The following DCC variants were observed in gnomAD, a reference collection of about 807,000 sequenced individuals.
The protein encoded by DCC is netrin receptor DCC.
DCC carries 58 observed loss-of-function variants against 172.5 expected under a neutral mutation model. The observed-to-expected ratio is 0.34, with a 90% CI of 0.27 to 0.42. The LOEUF is 0.42. Among genes scored for constraint, DCC ranks in the 10% least tolerant of loss-of-function variants. The probability of loss-of-function intolerance (pLI) is 1.00; values close to 1 mark genes in which losing one functional copy is unlikely to be tolerated. For missense variants in DCC, 1,740 were observed against 1,791.0 expected, an observed-to-expected ratio of 0.97 and a Z score of 0.51; for synonymous variants, 709 against 644.5, an observed-to-expected ratio of 1.10 and a Z score of -1.52.
intron 3 of DCC, among the ~76,000 whole-genome samples, chr18:52,917,486 G>T (rs1411488295): frequency 2.0e-5 from 3 of 152,094 alleles, no homozygotes; most frequent in Non-Finnish European, 4.4e-5. Flanking sequence ...CAACAGTTTG[G>T]GATTCACTGT....
intron 5 of DCC, among the ~76,000 whole-genome samples, chr18:52,969,619 C>CTCTT (rs2040994656): frequency 7.2e-6 from 1 of 138,870 alleles, no homozygotes; most frequent in African/African-American, 2.6e-5. Flanking sequence ...CTCTCTCTCT[C>CTCTT]TCTTTCTGTG....
chr18:53,188,612 T>C (rs2055321112), intron 9 of DCC, among the ~76,000 whole-genome samples: 1 of 152,184 alleles, frequency 6.6e-6, no homozygotes, highest in Non-Finnish European at 1.5e-5. Flanking sequence ...TGTTAACCCA[T>C]TTGGGTGTTG....
chr18:52,866,726 T>C (rs1261379244), intron 2 of DCC, among the ~76,000 whole-genome samples: 2 of 152,238 alleles, frequency 1.3e-5, no homozygotes, highest in African/African-American at 4.8e-5. Context: ...TTTCGCACAT[T>C]GATTTTGTAT....
intron 1 of DCC, among the ~76,000 whole-genome samples, chr18:52,638,281 A>G (rs2034820622): frequency 9.3e-6 from 1 of 107,918 alleles, no homozygotes. Flanking sequence ...AACAAAAAAC[A>G]AAAAAAAACA....
Position 53,478,571 on chromosome 18 carries a change from C to A in DCC, c.3737-8226C>A, listed in dbSNP as rs564014267. ...AATATTTGAGGGAAAAAAAGGAAAT[C>A]ATTCTTTAAAGGAAAAAGAAGTCTC... On this transcript the variant is annotated intron_variant, in intron 25 of 28. Coordinates refer to ENST00000442544, the MANE Select transcript of DCC (RefSeq NM_005215.4). Among the ~76,000 whole-genome samples the A allele has an allele frequency of 1.2e-4, 19 of 152,270 alleles. No individual in the cohort carries two copies. In the South Asian group the frequency reaches 2.9e-3, roughly 23 times the overall value.
Position 52,941,502 on chromosome 18 carries a change from G to GTGTGTATATA in DCC, c.985+16133_985+16134insGTGTATATAT, listed in dbSNP as rs151312837. On this transcript the variant is annotated intron_variant, in intron 5 of 28. Coordinates refer to ENST00000442544, the MANE Select transcript of DCC (RefSeq NM_005215.4). ...TATACATGTTTGTGTGTGTGTGTGT[G>GTGTGTATATA]TATATATATATATACACACTTGTAT... Among the ~76,000 whole-genome samples, 339 of 148,962 alleles carry GTGTGTATATA rather than the reference G, an allele frequency of 2.3e-3. 2 individuals are homozygous for GTGTGTATATA. Among genetic ancestry groups the GTGTGTATATA allele is most frequent in the African/African-American group, 7.9e-3 (321 of 40,760 alleles).
chr18:53,220,801 T>C (rs926437020), intron 12 of DCC, among the ~76,000 whole-genome samples: 1 of 152,030 alleles, frequency 6.6e-6, no homozygotes, highest in Non-Finnish European at 1.5e-5. Context: ...CCTTCATCTA[T>C]TCATTACATG....
At chr18:53,231,059 G>A (rs2056114587) in intron 12 of DCC, among the ~76,000 whole-genome samples, 2 of 151,840 alleles carry the variant, frequency 1.3e-5, no homozygotes, top group South Asian at 4.1e-4. Context: ...CCTCCAGACT[G>A]AGGAGGACGC....
chr18:53,490,324 ACT>A (rs2045947052), intron 26 of DCC, among the ~76,000 whole-genome samples: 1 of 152,054 alleles, frequency 6.6e-6, no homozygotes, highest in African/African-American at 2.4e-5. Flanking sequence ...AGTGTTCATG[ACT>A]CAGTCTTTGC....
At chr18:52,991,252 TTTTAAATTTA>T (rs1267983183) in intron 5 of DCC, among the ~76,000 whole-genome samples, 1 of 152,142 alleles carries the variant, frequency 6.6e-6, no homozygotes, top group African/African-American at 2.4e-5. Flanking sequence ...AGTCTAATTT[TTTTAAATTTA>T]TCTTTTTTTG....
intron 21 of DCC, among the ~76,000 whole-genome samples, chr18:53,428,674 A>C (rs867875419): frequency 3.5e-5 from 1 of 28,758 alleles, no homozygotes; most frequent in African/African-American, 7.8e-5. Flanking sequence ...ATTTTATATA[A>C]TATATATTTT....
At chr18:53,084,064 T>G (rs1438923422) in intron 7 of DCC, among the ~76,000 whole-genome samples, 1 of 152,164 alleles carries the variant, frequency 6.6e-6, no homozygotes, top group African/African-American at 2.4e-5. Flanking sequence ...AATTTATTTT[T>G]AAAAAGGAAT....
intron 1 of DCC, among the ~76,000 whole-genome samples, chr18:52,671,328 T>A (rs2035549330): frequency 6.6e-6 from 1 of 152,104 alleles, no homozygotes; most frequent in South Asian, 2.1e-4. Flanking sequence ...AGTGACACAT[T>A]TGGCATTAGC....
At chr18:52,685,833 G>A (rs780896325) in intron 1 of DCC, among the ~76,000 whole-genome samples, 6 of 152,064 alleles carry the variant, frequency 3.9e-5, no homozygotes, top group Non-Finnish European at 8.8e-5. Flanking sequence ...CATTCACAGA[G>A]CCCCTTCTAC....
intron 1 of DCC, among the ~76,000 whole-genome samples, chr18:52,357,610 C>T (rs1431813587): frequency 6.6e-6 from 1 of 151,974 alleles, no homozygotes; most frequent in Admixed American, 6.6e-5. Flanking sequence ...TAGAGTACAA[C>T]CCATATCCTT....
chr18:53,157,707 T>A (rs1171293258), intron 8 of DCC, among the ~76,000 whole-genome samples, 195 bp downstream of exon 8: 2 of 152,202 alleles, frequency 1.3e-5, no homozygotes, highest in African/African-American at 4.8e-5. Context: ...AATGAAATTA[T>A]CTGTATAAAA....
chr18:53,461,418 T>C (rs1055867353), intron 24 of DCC, among the ~76,000 whole-genome samples: 1 of 152,074 alleles, frequency 6.6e-6, no homozygotes, highest in African/African-American at 2.4e-5. Context: ...GTTTTAGGTC[T>C]AACGTTTAAG....
intron 7 of DCC, among the ~76,000 whole-genome samples, chr18:53,155,984 A>T (rs2054726990): frequency 6.6e-6 from 1 of 152,130 alleles, no homozygotes; most frequent in Non-Finnish European, 1.5e-5. Flanking sequence ...TACTGACAGG[A>T]ATAAGGTTTT....
intron 14 of DCC, among the ~76,000 whole-genome samples, chr18:53,338,476 C>T (rs2057616457): frequency 6.6e-6 from 1 of 152,156 alleles, no homozygotes; most frequent in South Asian, 2.1e-4. Context: ...GTGGCAGGCA[C>T]CTGTAATCTC....
Sources: allele counts gnomAD v4.1 joint callset (sites outside exome capture counted in the v4.1 genomes callset), GRCh38; gene constraint gnomAD v4.1.1; transcripts MANE v1.5; gene names NCBI Gene and HGNC (gene_info 2026-07-23, HGNC 2026-07-21).